DPP6: variants seen among roughly 807,000 people sequenced by gnomAD.
DPP6 encodes A-type potassium channel modulatory protein DPP6.
A neutral mutation model predicts 122.6 loss-of-function variants in DPP6; 69 were observed. The observed-to-expected ratio is 0.56, with a 90% CI of 0.46 to 0.69. DPP6 has a LOEUF of 0.69. Ranked by LOEUF, DPP6 falls within the 30% of genes least tolerant of loss-of-function variation. The pLI is 0.00. For missense variants in DPP6, 928 were observed against 1,116.9 expected, an observed-to-expected ratio of 0.83 and a Z score of 2.41; for synonymous variants, 418 against 433.1, an observed-to-expected ratio of 0.97 and a Z score of 0.43.
At position 154,331,613 on chromosome 7, in the gene DPP6, G is replaced by A. The variant is rs117909662; in HGVS notation, c.244-114601G>A. On this transcript the variant is annotated intron_variant, in intron 1 of 25. Coordinates refer to ENST00000377770, the MANE Select transcript of DPP6 (RefSeq NM_130797.4). ...AGATGCAGCTTTGGAAGGTATCCAC[G>A]AGGGAATAGCCATCAATTTGCCACG... is the stretch of plus-strand genomic sequence containing the variant. 8.5e-5 allele frequency among the ~76,000 whole-genome samples: 13 copies of A among 152,290 alleles called. No homozygotes were observed. The East Asian group carries it at 2.1e-3, about 25-fold the overall frequency.
the DPP6 span, among the ~76,000 whole-genome samples, chr7:153,832,867 C>CTT: frequency 1.3e-5 from 2 of 152,182 alleles, no homozygotes; most frequent in African/African-American, 2.4e-5. Flanking sequence ...ATTTCCAAGA[C>CTT]TCATGTCGTG....
chr7:154,775,132 T>G (rs1796483178), intron 10 of DPP6, among the ~76,000 whole-genome samples: 1 of 152,166 alleles, frequency 6.6e-6, no homozygotes, highest in African/African-American at 2.4e-5. Flanking sequence ...GTCCCCAGAT[T>G]GAGGACTACT....
intron 1 of DPP6, among the ~76,000 whole-genome samples, chr7:154,266,191 C>CTGT (rs1585781599): frequency 6.6e-6 from 1 of 152,196 alleles, no homozygotes; most frequent in African/African-American, 2.4e-5. Context: ...CAGTGCTACA[C>CTGT]TGTGTACACT....
intron 1 of DPP6, among the ~76,000 whole-genome samples, chr7:154,302,346 C>G (rs1233737956): frequency 1.3e-5 from 2 of 152,176 alleles, no homozygotes; most frequent in African/African-American, 4.8e-5. Flanking sequence ...ATGCTGTCAC[C>G]AATGGCAGGA....
At position 154,324,639 on chromosome 7, in the gene DPP6, CG is replaced by C. The variant is rs146079098; in HGVS notation, c.244-121571del. Among the ~76,000 whole-genome samples the C allele has an allele frequency of 6.7e-3, 1,017 of 152,190 alleles. 26 individuals carry two copies. The highest frequency in any genetic ancestry group is 0.062 in the East Asian group (319 of 5,140). ...GGGTTGGGGGTGTTTCCTGGCCTGA[CG>C]GGGCACCTTGTTCGTTTCACCCAGG... On this transcript the variant is annotated intron_variant, in intron 1 of 25. Coordinates refer to ENST00000377770, the MANE Select transcript of DPP6 (RefSeq NM_130797.4).
chr7:154,460,776 C>G (rs1821229201), intron 2 of DPP6, among the ~76,000 whole-genome samples: 1 of 152,134 alleles, frequency 6.6e-6, no homozygotes, highest in South Asian at 2.1e-4. Context: ...TACAGGCATG[C>G]ATGAAATGAT....
Position 154,305,684 on chromosome 7 carries a change from G to T in DPP6, c.244-140530G>T, listed in dbSNP as rs552842509. On this transcript the variant is annotated intron_variant, in intron 1 of 25. Transcript: ENST00000377770. ...GGGAAGAATTTTGTATTTTGTATTGGTTTATGACTGTAGCCCCCTGAGCCA... is the reference window on the plus strand; with the variant it reads ...GGGAAGAATTTTGTATTTTGTATTGTTTTATGACTGTAGCCCCCTGAGCCA... The T allele has an allele frequency of 1.3e-5, 18 of 1,336,992 alleles. No individual in the cohort carries two copies. The Middle Eastern group carries it at 7.4e-4, about 55-fold the overall frequency. 82.8% of individuals were successfully genotyped at this position (1,336,992 alleles called of 1,614,324 possible). A position where few individuals can be genotyped will look rare whatever the true frequency, so the allele number is the denominator to read the frequency against.
rs1463473422 is a variant in DPP6 at position 154,180,472 on chromosome 7, A to C, written c.243+127409A>C. On this transcript the variant is annotated intron_variant, in intron 1 of 25. Transcript: ENST00000377770. Reference sequence around the variant, plus strand: ...ATATATTATATATAGATATATATTTATATAATGTTATATAAATAGATATAG... The same window carrying C: ...ATATATTATATATAGATATATATTTCTATAATGTTATATAAATAGATATAG... 6.5e-4 allele frequency among the ~76,000 whole-genome samples: 95 copies of C among 146,124 alleles called. 1 individual carries two copies. The highest frequency in any genetic ancestry group is 1.8e-4 in the Non-Finnish European group (12 of 66,704).
At chr7:154,125,743 A>C (rs941427190) in intron 1 of DPP6, among the ~76,000 whole-genome samples, 31 of 152,316 alleles carry the variant, frequency 2.0e-4, no homozygotes, top group African/African-American at 7.5e-4. Flanking sequence ...TAATGGGTTC[A>C]CATTGCACAG....
At chr7:153,911,973 G>A (rs1260589545) in intron 1 of DPP6, among the ~76,000 whole-genome samples, 1 of 152,218 alleles carries the variant, frequency 6.6e-6, no homozygotes, top group Non-Finnish European at 1.5e-5. Context: ...GTACTTATCT[G>A]AAAACTTCGG....
intron 1 of DPP6, among the ~76,000 whole-genome samples, chr7:154,081,240 A>G (rs1803981907): frequency 6.6e-6 from 1 of 150,686 alleles, no homozygotes; most frequent in Admixed American, 6.6e-5. Context: ...GTGGGGGATG[A>G]GTGTGCTTGG....
intron 19 of DPP6, among the ~76,000 whole-genome samples, chr7:154,873,766 G>A (rs62472967): frequency 0.17 from 25,033 of 145,018 alleles, 2,395 homozygotes; most frequent in East Asian, 0.54. Flanking sequence ...ACAGGCACAC[G>A]CACATGCACA....
chr7:154,156,881 T>C (rs1212374460), intron 1 of DPP6, among the ~76,000 whole-genome samples: 1 of 152,270 alleles, frequency 6.6e-6, no homozygotes, highest in Admixed American at 6.5e-5. Context: ...AATTTGTTCC[T>C]ATGGGAAAAG....
At chr7:153,827,591 C>G in the DPP6 span, among the ~76,000 whole-genome samples, 1 of 152,062 alleles carries the variant, frequency 6.6e-6, no homozygotes, top group African/African-American at 2.4e-5. Context: ...CAAACATGCC[C>G]CAAGAAATGC....
In DPP6 at chr7:153,999,578, A is replaced by G. The variant is rs113431522; in HGVS notation, c.51+111844A>G. On this transcript the variant is annotated intron_variant, in intron 1 of 25. Coordinates refer to the DPP6 transcript ENST00000404039. ...TTCCTTTGAATGGAGGTAGAGTCCT[A>G]TGAAGGATAAGTCCTTAAGGCAGGG... is the stretch of plus-strand genomic sequence containing the variant. 6.9e-3 allele frequency among the ~76,000 whole-genome samples: 1,050 copies of G among 152,312 alleles called. 12 individuals are homozygous for G. The highest frequency in any genetic ancestry group is 0.024 in the Middle Eastern group (7 of 294).
chr7:154,301,358 A>C (rs1456198939), intron 1 of DPP6, among the ~76,000 whole-genome samples: 1 of 151,500 alleles, frequency 6.6e-6, no homozygotes, highest in African/African-American at 2.4e-5. Context: ...CTTTTTCCCC[A>C]CTCTTGCCCC....
chr7:154,367,063 A>G (rs371684476), intron 1 of DPP6, among the ~76,000 whole-genome samples: 6 of 152,216 alleles, frequency 3.9e-5, no homozygotes, highest in African/African-American at 1.4e-4. Context: ...TTAGGGGAGG[A>G]GGCAACGACG....
chr7:154,545,281 G>GTT (rs890092017), intron 4 of DPP6, among the ~76,000 whole-genome samples: 20 of 150,608 alleles, frequency 1.3e-4, no homozygotes, highest in African/African-American at 4.6e-4. Context: ...TATGTATCTT[G>GTT]TTTTTTTTTC....
At position 154,760,937 on chromosome 7, in the gene DPP6, C is replaced by T. The variant is rs145946245; in HGVS notation, c.884-8480C>T. ...GCAACCTCCGCTTCCCTGGTTCAAG[C>T]GATTCTCCTGCCTCAGCCTCCCGGA... On this transcript the variant is annotated intron_variant, in intron 8 of 25. Coordinates refer to ENST00000377770, the MANE Select transcript of DPP6 (RefSeq NM_130797.4). This position sits in a 1 kb window ranked among gnomAD's most constrained non-coding sequence, Gnocchi z 4.5. Among the ~76,000 whole-genome samples, 808 of 151,288 alleles carry T rather than the reference C, an allele frequency of 5.3e-3. 8 individuals carry two copies. Among genetic ancestry groups the T allele is most frequent in the African/African-American group, 0.019 (770 of 41,126 alleles).
Sources: allele counts gnomAD v4.1 joint callset (sites outside exome capture counted in the v4.1 genomes callset), GRCh38; gene constraint gnomAD v4.1.1; non-coding constraint Gnocchi (gnomAD v3.1); transcripts MANE v1.5; gene names NCBI Gene and HGNC (gene_info 2026-07-23, HGNC 2026-07-21).